ABCB5: variants seen among roughly 807,000 people sequenced by gnomAD.
ABCB5 encodes ATP binding cassette subfamily B member 5, also known as ATP-binding cassette sub-family B member 5.
A neutral mutation model predicts 144.2 loss-of-function variants in ABCB5; 155 were observed. The observed-to-expected ratio is 1.08, with a 90% CI of 0.94 to 1.23. The LOEUF (loss-of-function observed/expected upper bound fraction) is 1.23, where lower values mean the gene tolerates loss of function less well. Ranked by LOEUF, ABCB5 falls within the 50% of genes most tolerant of loss-of-function variation. The pLI, the probability that ABCB5 is intolerant of heterozygous loss-of-function variation, is 0.00. For missense variants in ABCB5, 1,830 were observed against 1,520.8 expected (o/e 1.20, Z -3.38); for synonymous variants, 610 against 528.6 (o/e 1.15, Z -2.11).
At position 20,695,357 on chromosome 7, in the gene ABCB5, T is replaced by TATCTATAG. The variant is rs1786372395; in HGVS notation, c.2011-3048_2011-3041dup. Among the ~76,000 whole-genome samples, 3 of 151,966 alleles carry TATCTATAG rather than the reference T, an allele frequency of 2.0e-5. No individual in the cohort carries two copies. The South Asian group carries it at 6.2e-4, about 32-fold the overall frequency. On this transcript the variant is annotated intron_variant, in intron 16 of 27. Coordinates refer to ENST00000404938, the MANE Select transcript of ABCB5 (RefSeq NM_001163941.2). ...AAAAAATGATTCTGGATCAATTATA[T>TATCTATAG]ATCTATAGACAAAATAATCAGCCAC...
intron 14 of ABCB5, among the ~76,000 whole-genome samples, chr7:20,662,559 AAT>A (rs546888820): frequency 9.2e-5 from 14 of 152,298 alleles, no homozygotes; most frequent in African/African-American, 3.1e-4. Context: ...AATTTTGAAA[AAT>A]CATTTATAGC....
At chr7:20,695,941 C>T (rs1207560302) in intron 16 of ABCB5, among the ~76,000 whole-genome samples, 1 of 151,930 alleles carries the variant, frequency 6.6e-6, no homozygotes, top group African/African-American at 2.4e-5. Context: ...TGGTGGGGTG[C>T]AACTGGAGCT....
At chr7:20,632,938 C>T (rs1035456651) in intron 5 of ABCB5, among the ~76,000 whole-genome samples, 1 of 151,240 alleles carries the variant, frequency 6.6e-6, no homozygotes, top group Non-Finnish European at 1.5e-5. Context: ...GTGCAGCGCA[C>T]CAGCATGGCA....
At chr7:20,678,729 T>G (rs1785690466) in intron 14 of ABCB5, among the ~76,000 whole-genome samples, 1 of 152,250 alleles carries the variant, frequency 6.6e-6, no homozygotes, top group Non-Finnish European at 1.5e-5. Flanking sequence ...TTTCAATACC[T>G]GTTTTAAGTC....
At chr7:20,689,229 G>A (rs1786122063) in intron 16 of ABCB5, among the ~76,000 whole-genome samples, 1 of 152,254 alleles carries the variant, frequency 6.6e-6, no homozygotes, top group African/African-American at 2.4e-5. Context: ...AGCACCCATC[G>A]ATGATCCCTT....
At chr7:20,711,849 C>CTTTCTTTCTTTCTTTTCT (rs1787072802) in intron 20 of ABCB5, among the ~76,000 whole-genome samples, 1 of 60,736 alleles carries the variant, frequency 1.6e-5, no homozygotes, top group Non-Finnish European at 3.1e-5. Context: ...TCTTTCTTTT[C>CTTTCTTTCTTTCTTTTCT]TTTCTTTCTT....
chr7:20,704,127 G>C (rs957546838), intron 19 of ABCB5, among the ~76,000 whole-genome samples: 28 of 126,342 alleles, frequency 2.2e-4, no homozygotes, highest in Admixed American at 1.0e-3. Context: ...CCGAGCTGGA[G>C]TGCAGTGGTG....
chr7:20,678,302 GA>G (rs1409669266), intron 14 of ABCB5, among the ~76,000 whole-genome samples: 1 of 151,904 alleles, frequency 6.6e-6, no homozygotes, highest in Non-Finnish European at 1.5e-5. Context: ...TATAGATTTG[GA>G]AAAAAGTTTG....
At chr7:20,665,275 T>C (rs930425841) in intron 14 of ABCB5, among the ~76,000 whole-genome samples, 2 of 152,166 alleles carry the variant, frequency 1.3e-5, no homozygotes, top group African/African-American at 4.8e-5. Context: ...AAGTGACTTC[T>C]AAGTTCCTGA....
intron 1 of ABCB5, among the ~76,000 whole-genome samples, chr7:20,622,388 A>G (rs1783820484): frequency 6.6e-6 from 1 of 152,168 alleles, no homozygotes; most frequent in African/African-American, 2.4e-5. Flanking sequence ...GAATAAGCCA[A>G]CAGATGGCTG....
At chr7:20,661,946 A>G (rs1193333556) in intron 14 of ABCB5, among the ~76,000 whole-genome samples, 1 of 152,210 alleles carries the variant, frequency 6.6e-6, no homozygotes, top group Non-Finnish European at 1.5e-5. Context: ...TTCATGTCAT[A>G]GGGTGTGAGT....
At chr7:20,637,655 G>C (rs1166740638) in intron 5 of ABCB5, among the ~76,000 whole-genome samples, 1 of 152,032 alleles carries the variant, frequency 6.6e-6, no homozygotes, top group Non-Finnish European at 1.5e-5. Flanking sequence ...CCCGACCTCA[G>C]GTGAGCTGCC....
intron 5 of ABCB5, among the ~76,000 whole-genome samples, chr7:20,634,129 G>GT (rs1784099148): frequency 6.7e-6 from 1 of 150,356 alleles, no homozygotes; most frequent in South Asian, 2.1e-4. Context: ...GTATTTGACT[G>GT]TTTCTGAGTT....
At position 20,648,140 on chromosome 7, in the gene ABCB5, T is replaced by A. The variant is rs563237825; in HGVS notation, c.1206+62T>A. The A allele has an allele frequency of 1.1e-5, 11 of 1,028,396 alleles. No homozygotes were observed. The East Asian group carries it at 2.0e-4, about 18-fold the overall frequency. 63.7% of individuals were successfully genotyped at this position (1,028,396 alleles called of 1,614,324 possible). On this transcript the variant is annotated intron_variant, in intron 11 of 27. Transcript: ENST00000404938. ...TGATATTATCTTCTACTGGCCAAGA[T>A]CTTCTCTGACATGATTACTTAGGAT...
rs900942883 is a variant in ABCB5 at position 20,646,126 on chromosome 7, G to A, written c.969G>A (p.Gly323=). ...ATGGAGAACCTGGATATACCATCGGGACTGTTCTTGCTGTAAGTCTTGTTT... is the reference window on the plus strand; with the variant it reads ...ATGGAGAACCTGGATATACCATCGGAACTGTTCTTGCTGTAAGTCTTGTTT... The part of the protein sequence containing the change: ...ILNGEPGYTI[G]TVLAVFFSVI... Residue 323 remains glycine (G), a synonymous_variant, in exon 9 of 28, where the codon GGG becomes GGA. Transcript: ENST00000404938. The A allele has an allele frequency of 6.2e-7, 1 of 1,612,558 alleles. No individual in the cohort carries two copies. The highest frequency in any genetic ancestry group is 8.5e-7 in the Non-Finnish European group (1 of 1,179,414).
chr7:20,639,238 A>T (rs1784234671), intron 5 of ABCB5, among the ~76,000 whole-genome samples: 1 of 152,198 alleles, frequency 6.6e-6, no homozygotes, highest in South Asian at 2.1e-4. Flanking sequence ...AGAATTCTTT[A>T]TAAATTCTGA....
chr7:20,744,774 T>TAAAAA (rs937225844), intron 25 of ABCB5, among the ~76,000 whole-genome samples: 1 of 151,228 alleles, frequency 6.6e-6, no homozygotes, highest in Non-Finnish European at 1.5e-5. Flanking sequence ...ATAATAAAAT[T>TAAAAA]AAAAAAATAT....
chr7:20,733,219 G>T (rs1782278849), intron 23 of ABCB5, among the ~76,000 whole-genome samples: 1 of 151,500 alleles, frequency 6.6e-6, no homozygotes, highest in East Asian at 2.0e-4. Context: ...AAATTCTGTG[G>T]CCAAACATTC....
intron 3 of ABCB5, among the ~76,000 whole-genome samples, chr7:20,627,002 GTGT>G (rs1044642422): frequency 9.2e-5 from 14 of 151,998 alleles, no homozygotes; most frequent in African/African-American, 2.9e-4. Context: ...GCATTGTTAT[GTGT>G]TGTTATTATT....
Sources: allele counts gnomAD v4.1 joint callset (sites outside exome capture counted in the v4.1 genomes callset), GRCh38; gene constraint gnomAD v4.1.1; transcripts MANE v1.5; gene names NCBI Gene and HGNC (gene_info 2026-07-23, HGNC 2026-07-21).